The following GPR55 variants were observed in gnomAD, a reference collection of about 807,000 sequenced individuals.
The protein encoded by GPR55 is G-protein coupled receptor 55.
A neutral mutation model predicts 7.9 loss-of-function variants in GPR55; 6 were observed. The observed-to-expected ratio is 0.76, with a 90% CI of 0.41 to 1.49. GPR55 has a LOEUF of 1.49. GPR55 is among the 40% of genes most tolerant of loss of function. GPR55 has a pLI of 0.01. For synonymous variants in GPR55, 183 were observed against 166.8 expected (o/e 1.10, Z -0.75); for missense variants, 376 against 406.0 (o/e 0.93, Z 0.63).
rs540242331 is a variant in GPR55, at chr2:230,959,759, G to A, written c.-135+1016C>T. On this transcript the variant is annotated intron_variant, in intron 1 of 1. Coordinates refer to the GPR55 transcript ENST00000392039. ...AACAACCCTTCATCCTTCTCTCTGA[G>A]TATTAGCAATGCAAAAGGCCAGAAG... Among the ~76,000 whole-genome samples the A allele has an allele frequency of 3.9e-5, 6 of 152,194 alleles. No individual in the cohort carries two copies. In the South Asian group the frequency reaches 1.2e-3, roughly 32 times the overall value.
chr2:230,910,869 C>A lies in GPR55; in HGVS notation c.94G>T (p.Val32Phe). 6.2e-7 allele frequency: 1 copy of A among 1,614,102 alleles called. No individual in the cohort carries two copies. The highest frequency in any genetic ancestry group is 1.3e-5 in the African/African-American group (1 of 75,012). The change falls in exon 2 of 2, where the codon GTC (valine) becomes TTC (phenylalanine). Residue 32 changes from valine (V) to phenylalanine (F), a missense_variant. Coordinates refer to ENST00000650999, the MANE Select transcript of GPR55 (RefSeq NM_005683.4). This position sits in a 1 kb window ranked among gnomAD's most constrained non-coding sequence, Gnocchi z 5.4. ...AGCAGGTTGAGGAGCAGGCCCAGGA[C>A]GAAGGTGGGGATGTGGACTGCAAAC... is the stretch of plus-strand genomic sequence containing the variant. ...LQFAVHIPTF[V>F]LGLLLNLLAI...
chr2:230,948,177 C>T (rs1237839477), intron 1 of GPR55, among the ~76,000 whole-genome samples: 4 of 152,056 alleles, frequency 2.6e-5, no homozygotes, highest in Non-Finnish European at 5.9e-5. Flanking sequence ...CTGTGTCTCC[C>T]GCAGGCCTCT....
chr2:230,949,654 G>A (rs1691369876), intron 1 of GPR55, among the ~76,000 whole-genome samples: 2 of 151,674 alleles, frequency 1.3e-5, no homozygotes, highest in Admixed American at 1.3e-4. Flanking sequence ...CTGAAATGTT[G>A]TTAGTATTTC....
At chr2:230,950,476 A>G (rs992152457) in intron 1 of GPR55, among the ~76,000 whole-genome samples, 3 of 151,568 alleles carry the variant, frequency 2.0e-5, no homozygotes, top group African/African-American at 4.9e-5. Context: ...TCTTTCCCGC[A>G]CTCCAGCCTC....
chr2:230,928,591 T>C (rs999610416), upstream of GPR55: 2 of 152,176 alleles, frequency 1.3e-5, no homozygotes, highest in Admixed American at 1.3e-4. Flanking sequence ...CAGGGGTAAG[T>C]GTACCCAGGA....
intron 1 of GPR55, among the ~76,000 whole-genome samples, chr2:230,943,945 T>C (rs1428523905): frequency 2.6e-5 from 4 of 152,242 alleles, no homozygotes; most frequent in African/African-American, 9.6e-5. Context: ...CTTTTCTTTA[T>C]AAATTATCCA....
At chr2:230,915,979 C>T (rs1318802238) in intron 1 of GPR55, among the ~76,000 whole-genome samples, 1 of 151,686 alleles carries the variant, frequency 6.6e-6, no homozygotes, top group African/African-American at 2.4e-5. Flanking sequence ...GGTAGAAAAG[C>T]TTGGAACTGA....
Position 230,910,056 on chromosome 2 carries a change from G to T in GPR55, c.907C>A (p.Arg303=), listed in dbSNP as rs779203834. The stretch of plus-strand genomic sequence containing the variant: ...AGGACCAGCTGGACCCTGGAAGGCC[G>T]GTGGGCCCTGATGTTCATGCGGAAT... ...KEFRMNIRAH[R]PSRVQLVLQD... Residue 303 remains arginine (R), a synonymous_variant, in exon 2 of 2, where the codon CGG becomes AGG. Transcript: ENST00000650999. This position sits in a 1 kb window ranked among gnomAD's most constrained non-coding sequence, Gnocchi z 5.4. The T allele has an allele frequency of 6.2e-7, 1 of 1,613,910 alleles. No individual in the cohort carries two copies. The highest frequency in any genetic ancestry group is 1.3e-5 in the African/African-American group (1 of 74,914).
At chr2:230,916,448 C>A (rs994593507) in intron 1 of GPR55, among the ~76,000 whole-genome samples, 1 of 151,716 alleles carries the variant, frequency 6.6e-6, no homozygotes, top group African/African-American at 2.4e-5. Flanking sequence ...CGCTTGAGCC[C>A]AGGAGTTTGA....
At chr2:230,951,762 T>G (rs980470808) in intron 1 of GPR55, among the ~76,000 whole-genome samples, 5 of 150,960 alleles carry the variant, frequency 3.3e-5, no homozygotes, top group Admixed American at 1.3e-4. Context: ...TGGGGTTTTT[T>G]TTTTTTTTTT....
In GPR55 at chr2:230,910,011, G is replaced by A. The variant is rs374081591; in HGVS notation, c.952C>T (p.Arg318Trp). ...AACAGGATGTCCTTCCGTTAGCCCCGGGAGATCGTGGTGTCCTGCAGGACC... is the reference window on the plus strand; with the variant it reads ...AACAGGATGTCCTTCCGTTAGCCCCAGGAGATCGTGGTGTCCTGCAGGACC... ...QLVLQDTTISRG is the reference protein window; with the variant it reads ...QLVLQDTTISWG Residue 318 changes from arginine to tryptophan, a missense_variant, in exon 2 of 2, where the codon CGG becomes TGG. By Grantham distance (101) the Arg-to-Trp change is moderately radical. Coordinates refer to ENST00000650999, the MANE Select transcript of GPR55 (RefSeq NM_005683.4). This position sits in a 1 kb window ranked among gnomAD's most constrained non-coding sequence, Gnocchi z 5.4. 86 of 1,612,312 alleles carry A rather than the reference G, an allele frequency of 5.3e-5. No homozygotes were observed. The highest frequency in any genetic ancestry group is 7.2e-5 in the Non-Finnish European group (85 of 1,179,002).
intron 1 of GPR55, among the ~76,000 whole-genome samples, chr2:230,955,718 T>G (rs1168142913): frequency 6.6e-6 from 1 of 152,096 alleles, no homozygotes; most frequent in African/African-American, 2.4e-5. Context: ...TCTTTTTGTT[T>G]TGTTTTGTTT....
chr2:230,936,347 T>C (rs57679756), intron 1 of GPR55, among the ~76,000 whole-genome samples: 14,854 of 152,148 alleles, frequency 0.098, 1,941 homozygotes, highest in African/African-American at 0.3. Flanking sequence ...AATTGAATCA[T>C]GGGGGCGGTT....
At chr2:230,937,394 G>A (rs1426145335) in intron 1 of GPR55, among the ~76,000 whole-genome samples, 5 of 74,308 alleles carry the variant, frequency 6.7e-5, no homozygotes, top group Admixed American at 1.1e-4. Flanking sequence ...AAGAGAGTGA[G>A]GCATTGTCAC....
chr2:230,920,389 C>T (rs1379752933), intron 1 of GPR55, among the ~76,000 whole-genome samples: 1 of 151,798 alleles, frequency 6.6e-6, no homozygotes, highest in East Asian at 1.9e-4. Flanking sequence ...GGGCTGGGAA[C>T]GAAGCATGAA....
At chr2:230,945,462 C>G (rs1034677427) in intron 1 of GPR55, among the ~76,000 whole-genome samples, 2 of 152,200 alleles carry the variant, frequency 1.3e-5, no homozygotes, top group Non-Finnish European at 2.9e-5. Flanking sequence ...GCAACCCGCG[C>G]CCTTATTTGA....
chr2:230,957,394 T>C (rs1210437124), intron 1 of GPR55, among the ~76,000 whole-genome samples: 2 of 152,164 alleles, frequency 1.3e-5, no homozygotes, highest in Non-Finnish European at 2.9e-5. Flanking sequence ...GTCTCCAGCA[T>C]GGATACGCGG....
Position 230,907,440 on chromosome 2 carries a change from G to C in GPR55, c.*2563C>G, listed in dbSNP as rs1690474496. 6.6e-6 allele frequency: 1 copy of C among 152,252 alleles called. No individual in the cohort carries two copies. The highest frequency in any genetic ancestry group is 1.5e-5 in the Non-Finnish European group (1 of 68,066). 9.4% of individuals were successfully genotyped at this position (152,252 alleles called of 1,614,324 possible). On this transcript the variant is annotated 3_prime_UTR_variant, in exon 2 of 2. Coordinates refer to ENST00000650999, the MANE Select transcript of GPR55 (RefSeq NM_005683.4). ...CCACTGCTGATTATGGGCCAGCTTG[G>C]GTTGCAGCTATGTGGGTCCAAACTC...
At chr2:230,953,552 A>T (rs1691436605) in intron 1 of GPR55, among the ~76,000 whole-genome samples, 1 of 152,224 alleles carries the variant, frequency 6.6e-6, no homozygotes, top group African/African-American at 2.4e-5. Flanking sequence ...CAGCACCCTG[A>T]TTTTAGCCCA....
Sources: allele counts gnomAD v4.1 joint callset (sites outside exome capture counted in the v4.1 genomes callset), GRCh38; gene constraint gnomAD v4.1.1; non-coding constraint Gnocchi (gnomAD v3.1); transcripts MANE v1.5; gene names NCBI Gene and HGNC (gene_info 2026-07-23, HGNC 2026-07-21).